Variants in XAB2 observed in about 807,000 individuals in gnomAD.
The protein encoded by XAB2 is pre-mRNA-splicing factor SYF1.
In XAB2, 57 loss-of-function variants were observed where a neutral mutation model predicts 113.4. That is an observed-to-expected ratio of 0.50 (90% CI 0.41 to 0.63). The LOEUF (loss-of-function observed/expected upper bound fraction) is 0.63. Ranked by LOEUF, XAB2 falls within the 20% of genes least tolerant of loss-of-function variation. The pLI is 0.00. For synonymous variants in XAB2, 497 were observed against 498.8 expected (o/e 1.00, Z 0.05); for missense variants, 1,037 against 1,233.3 (o/e 0.84, Z 2.38).
chr19:7,622,776 A>T lies in XAB2; in HGVS notation c.1357T>A (p.Leu453Met). 1 of 1,614,088 alleles carries T rather than the reference A, an allele frequency of 6.2e-7. No homozygotes were observed. The highest frequency in any genetic ancestry group is 8.5e-7 in the Non-Finnish European group (1 of 1,180,032). The change falls in exon 10 of 19, where the codon TTG becomes ATG. Residue 453 changes from leucine (L) to methionine (M), a missense_variant. Leu to Met is a conservative substitution (Grantham distance 15, BLOSUM62 2). Coordinates refer to ENST00000358368, the MANE Select transcript of XAB2 (RefSeq NM_020196.3). ...CCTGTTCTCACTCGCAGCAGCCGCA[A>T]GGCCTCATCGTAGTTCTCGTGTCGG... ...ELRHENYDEA[L>M]RLLRKATALP...
rs1230147411 is a variant in XAB2 at position 7,623,093 on chromosome 19, TAC to T, written c.1239+75_1239+76del. ...GTGCACACATCCATGCACAAATATG[TAC>T]ACACACATACATGCACACATATACA... On this transcript the variant is annotated intron_variant, in intron 9 of 18. Transcript: ENST00000358368. The surrounding 1 kb of genome is among the most constrained non-coding windows in gnomAD (Gnocchi z 4.6). 11 of 1,588,238 alleles carry T rather than the reference TAC, an allele frequency of 6.9e-6. No homozygotes were observed. The highest frequency in any genetic ancestry group is 2.2e-5 in the East Asian group (1 of 44,498).
At chr19:7,629,076 A>T (rs2031202671) in intron 1 of XAB2, among the ~76,000 whole-genome samples, 2 of 152,252 alleles carry the variant, frequency 1.3e-5, no homozygotes, top group South Asian at 4.2e-4. Context: ...AGGCCTAGAG[A>T]CCGCTATCCA....
At position 7,619,658 on chromosome 19, in the gene XAB2, G is replaced by T. The variant is rs2030983235; in HGVS notation, c.2507-11C>A. On this transcript the variant is annotated splice_polypyrimidine_tract_variant and intron_variant, in intron 18 of 18. Transcript: ENST00000358368. ...GCTCCAGCCGAACCTCTGTGGGGAAGGCGGGAGCCAGTCACCCTCCTGGCG... is the reference window on the plus strand; with the variant it reads ...GCTCCAGCCGAACCTCTGTGGGGAATGCGGGAGCCAGTCACCCTCCTGGCG... The T allele has an allele frequency of 6.2e-7, 1 of 1,603,230 alleles. No individual in the cohort carries two copies. The highest frequency in any genetic ancestry group is 8.5e-7 in the Non-Finnish European group (1 of 1,173,788).
At position 7,627,220 on chromosome 19, in the gene XAB2, A is replaced by C; in HGVS notation, c.522+23T>G. 2 of 1,608,320 alleles carry C rather than the reference A, an allele frequency of 1.2e-6. No individual in the cohort carries two copies. The highest frequency in any genetic ancestry group is 1.7e-6 in the Non-Finnish European group (2 of 1,179,286). On this transcript the variant is annotated intron_variant, in intron 4 of 18. Coordinates refer to ENST00000358368, the MANE Select transcript of XAB2 (RefSeq NM_020196.3). The surrounding 1 kb of genome is among the most constrained non-coding windows in gnomAD (Gnocchi z 4.5). ...CCGTTTCTGGAAACTAACCTGGGGA[A>C]CCAGCGCACCTGCTAGGCTCACCTT... is the stretch of plus-strand genomic sequence containing the variant.
At position 7,628,178 on chromosome 19, in the gene XAB2, C is replaced by A. The variant is rs779902411; in HGVS notation, c.172G>T (p.Glu58Ter). 1.2e-6 allele frequency: 2 copies of A among 1,613,800 alleles called. No homozygotes were observed. The highest frequency in any genetic ancestry group is 2.2e-5 in the South Asian group (2 of 91,060). ...APKPRLNQLYERALKLLPCSY... is the reference protein window; with the variant it reads ...APKPRLNQLY Reference sequence around the variant, plus strand: ...CAGGGCAGCAGCTTGAGTGCCCGCTCGTATAGCTGATTGAGCCTGGGCTTC... The same window carrying A: ...CAGGGCAGCAGCTTGAGTGCCCGCTAGTATAGCTGATTGAGCCTGGGCTTC... Residue 58 changes from glutamate to a stop codon, truncating the protein, a stop_gained, in exon 2 of 19, where the codon GAG becomes TAG. Coordinates refer to ENST00000358368, the MANE Select transcript of XAB2 (RefSeq NM_020196.3). LOFTEE classifies it high-confidence loss of function. The surrounding 1 kb of genome is among the most constrained non-coding windows in gnomAD (Gnocchi z 4.6).
chr19:7,628,108 G>C lies in XAB2; in HGVS notation c.200+42C>G. On this transcript the variant is annotated intron_variant, in intron 2 of 18. Coordinates refer to ENST00000358368, the MANE Select transcript of XAB2 (RefSeq NM_020196.3). The surrounding 1 kb of genome is among the most constrained non-coding windows in gnomAD (Gnocchi z 4.6). ...CAGTTTTGTTATAACTGGACCAGGT[G>C]GGGTGGGGGCTGGTGGGCAGGGCAG... 1.3e-6 allele frequency: 2 copies of C among 1,591,220 alleles called. No individual in the cohort carries two copies. The highest frequency in any genetic ancestry group is 1.7e-6 in the Non-Finnish European group (2 of 1,168,940).
At position 7,619,960 on chromosome 19, in the gene XAB2, C is replaced by T; in HGVS notation, c.2382G>A (p.Lys794=). 1 of 1,611,680 alleles carries T rather than the reference C, an allele frequency of 6.2e-7. No individual in the cohort carries two copies. The change falls in exon 17 of 19, where the codon AAG becomes AAA. Residue 794 remains lysine (K), a synonymous_variant. Transcript: ENST00000358368. Reference sequence around the variant, plus strand: ...TCCGCCCTCACCTCACGAACAGGATCTTGCTCTGGGCGCGCAAGGGCTGGT... The same window carrying T: ...TCCGCCCTCACCTCACGAACAGGATTTTGCTCTGGGCGCGCAAGGGCTGGT... The part of the protein sequence containing the change: ...ERDQPLRAQS[K]ILFVRSDASR...
intron 18 of XAB2, 35 bp from the exon 19 acceptor site, chr19:7,619,682 CGTT>C: frequency 1.2e-6 from 2 of 1,605,540 alleles, no homozygotes; most frequent in Non-Finnish European, 1.7e-6. Context: ...ACCCTCCTGG[CGTT>C]GGCCTGTCCC....
At position 7,621,223 on chromosome 19, in the gene XAB2, G is replaced by C. The variant is rs2031026720; in HGVS notation, c.1692C>G (p.Phe564Leu). Reference protein sequence around the residue: ...SDIWSTYLTKFIARYGGRKLE... With the variant: ...SDIWSTYLTKLIARYGGRKLE... ...GCTTGCGGCCCCCATAGCGGGCAAT[G>C]AATTTGGTCAGGTAGGTGCTCCAGA... The change falls in exon 13 of 19, where the codon TTC (phenylalanine) becomes TTG (leucine). Residue 564 changes from phenylalanine to leucine, a missense_variant. Physicochemically the swap from Phe to Leu is conservative, Grantham distance 22 (BLOSUM62 0). Coordinates refer to ENST00000358368, the MANE Select transcript of XAB2 (RefSeq NM_020196.3). The C allele has an allele frequency of 6.2e-7, 1 of 1,613,042 alleles. No individual in the cohort carries two copies. The highest frequency in any genetic ancestry group is 1.1e-5 in the South Asian group (1 of 91,086).
At chr19:7,626,836 T>A (rs1052390919) in intron 4 of XAB2, among the ~76,000 whole-genome samples, 2 of 152,172 alleles carry the variant, frequency 1.3e-5, no homozygotes, top group African/African-American at 4.8e-5. Flanking sequence ...TACTTTAAGT[T>A]TGAGCAAACC....
In XAB2 at chr19:7,619,935, T is replaced by C. The variant is rs774070049; in HGVS notation, c.2396+11A>G. On this transcript the variant is annotated intron_variant, in intron 17 of 18. Transcript: ENST00000358368. ...GTCCCAGTCCTGTCCCGTCCAAGGA[T>C]CCGCCCTCACCTCACGAACAGGATC... 1 of 1,610,564 alleles carries C rather than the reference T, an allele frequency of 6.2e-7. No individual in the cohort carries two copies. The highest frequency in any genetic ancestry group is 1.1e-5 in the South Asian group (1 of 91,062).
chr19:7,622,494 CG>C, intron 11 of XAB2, 35 bp downstream of exon 11: 1 of 1,613,676 alleles, frequency 6.2e-7, no homozygotes, highest in South Asian at 1.1e-5. Flanking sequence ...GAGCTGAGTC[CG>C]GGGCCCCGTC....
chr19:7,626,600 A>G (rs974303471), intron 4 of XAB2, among the ~76,000 whole-genome samples: 4 of 151,246 alleles, frequency 2.6e-5, no homozygotes, highest in Non-Finnish European at 4.4e-5. Context: ...CTCAGCCCCA[A>G]TGGTCCAGCC....
chr19:7,619,558 T>TGGGGAGG lies in XAB2; in HGVS notation c.*21_*27dup. 1 of 790,416 alleles carries TGGGGAGG rather than the reference T, an allele frequency of 1.3e-6. No homozygotes were observed. Among genetic ancestry groups the TGGGGAGG allele is most frequent in the Non-Finnish European group, 1.6e-6 (1 of 617,248 alleles). 49.0% of individuals were successfully genotyped at this position (790,416 alleles called of 1,614,324 possible). ...AAACGTAGCTGTATTGGGGAGGGGG[T>TGGGGAGG]GGGGAGGGGGGATGGGGGAGGGACG... On this transcript the variant is annotated 3_prime_UTR_variant, in exon 19 of 19. Transcript: ENST00000358368.
In XAB2 at chr19:7,622,384, T is replaced by C; in HGVS notation, c.1564A>G (p.Ile522Val). The C allele has an allele frequency of 3.1e-6, 5 of 1,614,204 alleles. No homozygotes were observed. The highest frequency in any genetic ancestry group is 4.2e-6 in the Non-Finnish European group (5 of 1,180,048). The stretch of plus-strand genomic sequence containing the variant: ...TCCTCCAGGAACATGGCATAGTTGA[T>C]GACGATCTGGGGTGTTGCGATACGC... ...DLRIATPQIVINYAMFLEEHK... is the reference protein window; with the variant it reads ...DLRIATPQIVVNYAMFLEEHK... The change falls in exon 12 of 19, where the codon ATC becomes GTC. Residue 522 changes from isoleucine (I) to valine (V), a missense_variant. Ile to Val is a conservative substitution (Grantham distance 29, BLOSUM62 3). Transcript: ENST00000358368.
In XAB2 at chr19:7,621,307, G is replaced by A; in HGVS notation, c.1618-10C>T. 6.2e-7 allele frequency: 1 copy of A among 1,611,634 alleles called. No individual in the cohort carries two copies. Among genetic ancestry groups the A allele is most frequent in the South Asian group, 1.1e-5 (1 of 91,048 alleles). ...TGCCGCGCTCGTACGCCTGTTACCA[G>A]AGGGAGAGTCACATGTGAGAGTCTG... On this transcript the variant is annotated splice_polypyrimidine_tract_variant and intron_variant, in intron 12 of 18. Coordinates refer to ENST00000358368, the MANE Select transcript of XAB2 (RefSeq NM_020196.3).
Position 7,621,055 on chromosome 19 carries a change from G to C in XAB2, c.1781-19C>G, listed in dbSNP as rs745392163. ...TACAAGGCTGGGCGGGGTAGGCGGG[G>C]AGAGGGGAGCACGGTCAGCCGGGGC... On this transcript the variant is annotated intron_variant, in intron 13 of 18. Transcript: ENST00000358368. 1 of 1,542,882 alleles carries C rather than the reference G, an allele frequency of 6.5e-7. No individual in the cohort carries two copies. Among genetic ancestry groups the C allele is most frequent in the Non-Finnish European group, 8.7e-7 (1 of 1,144,684 alleles).
In XAB2 at chr19:7,624,196, C is replaced by T. The variant is rs1048227063; in HGVS notation, c.967+105G>A. On this transcript the variant is annotated intron_variant, in intron 7 of 18. Transcript: ENST00000358368. This position sits in a 1 kb window ranked among gnomAD's most constrained non-coding sequence, Gnocchi z 4.2. ...CCACTCAGCCTCCTTCCCTGCTGGC[C>T]CCCAGCTGAGCCTCCCAGGGCTGCC... 10 of 1,555,472 alleles carry T rather than the reference C, an allele frequency of 6.4e-6. No homozygotes were observed. The highest frequency in any genetic ancestry group is 2.7e-5 in the African/African-American group (2 of 74,022).
rs1007716063 is a variant in XAB2 at position 7,625,739 on chromosome 19, A to G, written c.822+141T>C. The G allele has an allele frequency of 1.3e-5, 16 of 1,230,846 alleles. No individual in the cohort carries two copies. The highest frequency in any genetic ancestry group is 1.8e-5 in the Non-Finnish European group (16 of 912,846). The allele number at this position is 1,230,846 out of a possible 1,614,324, so 76.2% of individuals were successfully genotyped here. On this transcript the variant is annotated intron_variant, in intron 6 of 18. Transcript: ENST00000358368. This position sits in a 1 kb window ranked among gnomAD's most constrained non-coding sequence, Gnocchi z 5.2. ...AGTGATCCTACCGCCTCGGCCTCCCAAAGTGCTGGGATGACAGGTGTGAGC... is the reference window on the plus strand; with the variant it reads ...AGTGATCCTACCGCCTCGGCCTCCCGAAGTGCTGGGATGACAGGTGTGAGC...
Sources: allele counts gnomAD v4.1 joint callset (sites outside exome capture counted in the v4.1 genomes callset), GRCh38; gene constraint gnomAD v4.1.1; non-coding constraint Gnocchi (gnomAD v3.1); transcripts MANE v1.5; gene names NCBI Gene and HGNC (gene_info 2026-07-23, HGNC 2026-07-21).